Variants in TSKS observed in about 807,000 individuals in gnomAD.
TSKS encodes the protein testis-specific serine kinase substrate.
Under a neutral mutation model 68.0 loss-of-function variants are expected in TSKS, and 27 were observed. The observed-to-expected ratio is 0.40, with a 90% CI of 0.29 to 0.55. TSKS has a LOEUF of 0.55. Ranked by LOEUF, TSKS falls within the 20% of genes least tolerant of loss-of-function variation. The pLI, the probability that TSKS is intolerant of heterozygous loss-of-function variation, is 0.53. For synonymous variants in TSKS, 331 were observed against 340.4 expected, an observed-to-expected ratio of 0.97 and a Z score of 0.30; for missense variants, 806 against 776.0, an observed-to-expected ratio of 1.04 and a Z score of -0.46.
chr19:49,741,609 G>A (rs546051795), intron 9 of TSKS, among the ~76,000 whole-genome samples: 3 of 152,164 alleles, frequency 2.0e-5, no homozygotes, highest in Non-Finnish European at 2.9e-5. Flanking sequence ...TGTCTGTCTC[G>A]TGTCCCACAA....
chr19:49,743,190 G>A lies in TSKS; in HGVS notation c.1361+1041C>T, dbSNP rs559886662. On this transcript the variant is annotated intron_variant, in intron 8 of 10. Coordinates refer to ENST00000246801, the MANE Select transcript of TSKS (RefSeq NM_021733.2). The stretch of plus-strand genomic sequence containing the variant: ...ACTTCCCAGGTTCAAGAGATTCTTT[G>A]GCCTCAGCCTCCCAAGTAGCTGGGA... Among the ~76,000 whole-genome samples, 6 of 147,096 alleles carry A rather than the reference G, an allele frequency of 4.1e-5. No homozygotes were observed. The East Asian group carries it at 1.2e-3, about 30-fold the overall frequency.
intron 10 of TSKS, 28 bp downstream of exon 10, chr19:49,740,031 C>T (rs753098068): frequency 1.2e-6 from 2 of 1,613,862 alleles, no homozygotes; most frequent in Non-Finnish European, 1.7e-6. Flanking sequence ...TCTCACCCTC[C>T]TCCCATGCCC....
chr19:49,741,838 C>A (rs950236479), intron 9 of TSKS, 47 bp downstream of exon 9: 1 of 1,612,824 alleles, frequency 6.2e-7, no homozygotes, highest in Non-Finnish European at 8.5e-7. Context: ...TCCCCTTGCC[C>A]CAACAGAAAA....
chr19:49,754,319 T>TTAAA (rs1241190652), intron 2 of TSKS, among the ~76,000 whole-genome samples: 1 of 151,146 alleles, frequency 6.6e-6, no homozygotes, highest in Non-Finnish European at 1.5e-5. Context: ...GCCAACATGG[T>TTAAA]TAAACCCCGT....
intron 2 of TSKS, among the ~76,000 whole-genome samples, chr19:49,749,735 C>T (rs544696391): frequency 6.6e-6 from 1 of 152,174 alleles, no homozygotes; most frequent in African/African-American, 2.4e-5. Context: ...CTCAGCCTCC[C>T]AAGTTGCTAA....
chr19:49,759,132 C>T (rs1406682427), intron 2 of TSKS, among the ~76,000 whole-genome samples: 1 of 151,460 alleles, frequency 6.6e-6, no homozygotes, highest in African/African-American at 2.4e-5. Context: ...GCTGGGATTA[C>T]AGGCATGAGC....
At chr19:49,761,846 GAGA>G (rs1417745229) in intron 2 of TSKS, among the ~76,000 whole-genome samples, 155 bp downstream of exon 2, 4 of 152,304 alleles carry the variant, frequency 2.6e-5, no homozygotes, top group South Asian at 2.1e-4. Flanking sequence ...CTGGCTGTCA[GAGA>G]AGGAGGAGGC....
intron 2 of TSKS, among the ~76,000 whole-genome samples, chr19:49,750,956 G>C (rs1301546908): frequency 6.6e-6 from 1 of 152,066 alleles, no homozygotes; most frequent in African/African-American, 2.4e-5. Context: ...ATTGCTCTGG[G>C]GAAGAAGTGG....
chr19:49,741,155 G>T (rs941410964), intron 9 of TSKS, among the ~76,000 whole-genome samples: 1 of 151,946 alleles, frequency 6.6e-6, no homozygotes, highest in African/African-American at 2.4e-5. Context: ...TCCAGCCTGG[G>T]CGACAGAGCG....
At chr19:49,746,866 A>G in intron 5 of TSKS, 68 bp from the exon 6 acceptor site, 4 of 1,561,266 alleles carry the variant, frequency 2.6e-6, no homozygotes, top group Non-Finnish European at 3.4e-6. Flanking sequence ...CTCCACCCCA[A>G]AATCCGCTCC....
At chr19:49,753,399 A>C (rs1423003406) in intron 2 of TSKS, among the ~76,000 whole-genome samples, 1 of 151,890 alleles carries the variant, frequency 6.6e-6, no homozygotes, top group Non-Finnish European at 1.5e-5. Context: ...GTCTCTACTA[A>C]AAAATACAAA....
intron 2 of TSKS, among the ~76,000 whole-genome samples, chr19:49,751,026 G>A (rs1191990550): frequency 2.6e-5 from 4 of 151,866 alleles, no homozygotes; most frequent in Admixed American, 6.6e-5. Flanking sequence ...AATTCAGGCC[G>A]GGCACAGTGG....
chr19:49,742,243 G>A (rs2084258519), intron 8 of TSKS, among the ~76,000 whole-genome samples: 1 of 152,102 alleles, frequency 6.6e-6, no homozygotes, highest in Admixed American at 6.6e-5. Flanking sequence ...TGTTACCCAG[G>A]CTGGAGTGCA....
Position 49,756,318 on chromosome 19 carries a change from G to T in TSKS, c.399+5686C>A, listed in dbSNP as rs1248764373. Among the ~76,000 whole-genome samples, 4 of 151,984 alleles carry T rather than the reference G, an allele frequency of 2.6e-5. No homozygotes were observed. The East Asian group carries it at 5.8e-4, about 22-fold the overall frequency. ...ACCAAAAAATTTAAAAATTATCTGG[G>T]TACAGTGGCATGTGCTTGTGGTCTC... On this transcript the variant is annotated intron_variant, in intron 2 of 10. Coordinates refer to ENST00000246801, the MANE Select transcript of TSKS (RefSeq NM_021733.2).
At position 49,740,277 on chromosome 19, in the gene TSKS, T is replaced by A; in HGVS notation, c.1498-94A>T. On this transcript the variant is annotated intron_variant, in intron 9 of 10. Transcript: ENST00000246801. ...GCGGAGGGCAAAGGGTAGGGTCCCA[T>A]GGGGCCCACATTTCTCCCTCAGAGT... is the stretch of plus-strand genomic sequence containing the variant. 2.1e-6 allele frequency: 3 copies of A among 1,446,086 alleles called. No individual in the cohort carries two copies. The South Asian group carries it at 4.0e-5, about 19-fold the overall frequency. The allele number at this position is 1,446,086 out of a possible 1,614,324, so 89.6% of individuals were successfully genotyped here.
rs954340378 is a variant in TSKS, at chr19:49,748,079, G to A, written c.579+6C>T. ...CCCCATCCATTCCTGCGTCCCACTG[G>A]CTCACCTTGAGTTGAATGCAGTACC... On this transcript the variant is annotated splice_donor_region_variant and intron_variant, in intron 4 of 10. Transcript: ENST00000246801. 2.5e-6 allele frequency: 4 copies of A among 1,613,450 alleles called. No homozygotes were observed. Among genetic ancestry groups the A allele is most frequent in the Middle Eastern group, 1.6e-4 (1 of 6,082 alleles).
chr19:49,751,464 C>T lies in TSKS; in HGVS notation c.400-2995G>A, dbSNP rs551116391. 7.8e-5 allele frequency among the ~76,000 whole-genome samples: 11 copies of T among 141,744 alleles called. No individual in the cohort carries two copies. The South Asian group carries it at 1.4e-3, about 17-fold the overall frequency. 93.0% of individuals were successfully genotyped at this position (141,744 alleles called of 152,430 possible). A position where few individuals can be genotyped will look rare whatever the true frequency, so the allele number is the denominator to read the frequency against. On this transcript the variant is annotated intron_variant, in intron 2 of 10. Transcript: ENST00000246801. Reference sequence around the variant, plus strand: ...GCATTTATTCAAGAAAAGTGACTCTCGATAAAAAACGGCAAGACTTGAGGA... The same window carrying T: ...GCATTTATTCAAGAAAAGTGACTCTTGATAAAAAACGGCAAGACTTGAGGA...
intron 5 of TSKS, chr19:49,747,135 G>C (rs1422128513): frequency 2.6e-6 from 4 of 1,530,878 alleles, no homozygotes; most frequent in Non-Finnish European, 3.5e-6. Context: ...TGGACAGGAC[G>C]GGCCTTCTCA....
chr19:49,760,972 CAGCTACTCG>C (rs1217551351), intron 2 of TSKS, among the ~76,000 whole-genome samples: 1 of 152,002 alleles, frequency 6.6e-6, no homozygotes, highest in Non-Finnish European at 1.5e-5. Flanking sequence ...CCTGTAGTCC[CAGCTACTCG>C]GGAGGCTGAG....
Sources: gnomAD v4.1 joint callset for allele counts (sites outside exome capture counted in the v4.1 genomes callset) on GRCh38, gnomAD v4.1.1 for gene constraint, MANE v1.5 for transcripts, NCBI Gene and HGNC (gene_info 2026-07-23, HGNC 2026-07-21) for gene names.